The following VPS13B variants were observed in gnomAD, a reference collection of about 807,000 sequenced individuals.
The protein encoded by VPS13B is vacuolar protein sorting 13 homolog B, also known as intermembrane lipid transfer protein VPS13B.
In VPS13B, 285 loss-of-function variants were observed where a neutral mutation model predicts 426.4. That is an observed-to-expected ratio of 0.67 (90% CI 0.61 to 0.74). The LOEUF is 0.74. Among genes scored for constraint, VPS13B ranks in the 30% least tolerant of loss-of-function variants. VPS13B has a pLI of 0.00. For synonymous variants in VPS13B, 1,676 were observed against 1,676.4 expected (o/e 1.00, Z 0.01); for missense variants, 4,537 against 4,782.6 (o/e 0.95, Z 1.51).
chr8:99,408,629 G>A lies in VPS13B; in HGVS notation c.3082+16925G>A, dbSNP rs537967615. ...CTATCCAAATGGAGATGTTCAGTAC[G>A]CAGTTGGATAAATAGTCTGGAGCTT... is the stretch of plus-strand genomic sequence containing the variant. On this transcript the variant is annotated intron_variant, in intron 21 of 61. Coordinates refer to ENST00000357162, the MANE Select transcript of VPS13B (RefSeq NM_152564.5). Among the ~76,000 whole-genome samples, 22 of 152,244 alleles carry A rather than the reference G, an allele frequency of 1.4e-4. 1 individual carries two copies. Among genetic ancestry groups the A allele is most frequent in the Admixed American group, 9.2e-4 (14 of 15,268 alleles).
intron 24 of VPS13B, among the ~76,000 whole-genome samples, chr8:99,467,842 G>A (rs1819193811): frequency 6.8e-6 from 1 of 146,304 alleles, no homozygotes; most frequent in South Asian, 2.1e-4. Context: ...AATGGTGGCA[G>A]TACAAATGTA....
chr8:99,451,859 A>G (rs1818212057), intron 23 of VPS13B, among the ~76,000 whole-genome samples: 1 of 152,238 alleles, frequency 6.6e-6, no homozygotes, highest in African/African-American at 2.4e-5. Context: ...ACCCTGTATC[A>G]AACGGTGTTT....
At chr8:99,038,285 G>T in intron 2 of VPS13B, 138 bp from the exon 3 acceptor site, 2 of 606,906 alleles carry the variant, frequency 3.3e-6, no homozygotes, top group East Asian at 6.7e-5. Flanking sequence ...ATATTAGAAT[G>T]AAAAATATTA....
intron 30 of VPS13B, among the ~76,000 whole-genome samples, chr8:99,523,500 C>T (rs955363362): frequency 4.6e-5 from 7 of 152,214 alleles, no homozygotes; most frequent in African/African-American, 1.7e-4. Context: ...CACACCCACA[C>T]CCCTTCCACA....
chr8:99,454,012 C>T (rs1473263120), intron 23 of VPS13B, among the ~76,000 whole-genome samples: 2 of 152,044 alleles, frequency 1.3e-5, no homozygotes, highest in Non-Finnish European at 2.9e-5. Flanking sequence ...ACCTTCTGTG[C>T]TCAACATACT....
intron 35 of VPS13B, chr8:99,697,123 A>G: frequency 3.8e-6 from 2 of 528,332 alleles, no homozygotes; most frequent in South Asian, 3.9e-5. Flanking sequence ...CCAGCTGACC[A>G]GCTCAAGTCC....
chr8:99,772,095 A>C (rs2130646021), intron 40 of VPS13B, among the ~76,000 whole-genome samples: 1 of 152,308 alleles, frequency 6.6e-6, no homozygotes. Context: ...TTGCATACAC[A>C]GTCCCTGAAG....
intron 19 of VPS13B, among the ~76,000 whole-genome samples, chr8:99,306,018 T>G (rs7828262): frequency 0.73 from 110,268 of 151,994 alleles, 40,648 homozygotes; most frequent in Middle Eastern, 0.83. Context: ...TGCTGTTTAT[T>G]TTTATCAGAT....
At chr8:99,188,069 T>C (rs1387518096) in intron 16 of VPS13B, among the ~76,000 whole-genome samples, 3 of 150,652 alleles carry the variant, frequency 2.0e-5, no homozygotes, top group Admixed American at 6.6e-5. Flanking sequence ...TTTTTTTTTT[T>C]TTTTGTGAGG....
chr8:99,863,070 A>C (rs1816914375), intron 58 of VPS13B, among the ~76,000 whole-genome samples: 1 of 152,160 alleles, frequency 6.6e-6, no homozygotes, highest in Non-Finnish European at 1.5e-5. Context: ...TAGGGTGTTC[A>C]AGTCCTTTCT....
intron 33 of VPS13B, among the ~76,000 whole-genome samples, chr8:99,613,530 G>C (rs1317274405): frequency 6.6e-6 from 1 of 152,114 alleles, no homozygotes; most frequent in African/African-American, 2.4e-5. Flanking sequence ...TAGATAGCAC[G>C]ATTTCTTTTA....
intron 21 of VPS13B, among the ~76,000 whole-genome samples, chr8:99,404,521 G>C (rs1815226004): frequency 6.6e-6 from 1 of 152,140 alleles, no homozygotes; most frequent in Admixed American, 6.5e-5. Flanking sequence ...TTAAATGCAG[G>C]TTTATTTTGA....
intron 35 of VPS13B, among the ~76,000 whole-genome samples, chr8:99,683,992 C>A (rs1345854981): frequency 6.6e-6 from 1 of 152,186 alleles, no homozygotes; most frequent in Non-Finnish European, 1.5e-5. Context: ...TAGCCTTCAT[C>A]AGGTTAAGTT....
chr8:99,770,858 CAG>C (rs1425001520), intron 40 of VPS13B, among the ~76,000 whole-genome samples: 1 of 152,206 alleles, frequency 6.6e-6, no homozygotes, highest in East Asian at 1.9e-4. Flanking sequence ...AGAGAGCAAA[CAG>C]AAGACATCCA....
At chr8:99,501,900 C>G in intron 26 of VPS13B, 42 bp downstream of exon 26, 14 of 918,412 alleles carry the variant, frequency 1.5e-5, no homozygotes, top group Non-Finnish European at 2.1e-5. Context: ...CCCTCTGTCC[C>G]TCCCTCCCTC....
intron 15 of VPS13B, among the ~76,000 whole-genome samples, chr8:99,168,277 T>A (rs1184136914): frequency 6.6e-6 from 1 of 152,012 alleles, no homozygotes; most frequent in East Asian, 1.9e-4. Flanking sequence ...AATGACAGAA[T>A]AGTATGTAGT....
intron 31 of VPS13B, among the ~76,000 whole-genome samples, chr8:99,558,207 G>A (rs74959072): frequency 0.059 from 9,048 of 152,154 alleles, 361 homozygotes; most frequent in African/African-American, 0.11. Flanking sequence ...GGTAATAACT[G>A]TTATTTTCCC....
chr8:99,270,098 A>C (rs990089759), intron 17 of VPS13B, among the ~76,000 whole-genome samples: 3 of 142,626 alleles, frequency 2.1e-5, no homozygotes, highest in Non-Finnish European at 3.0e-5. Flanking sequence ...TCTAAATCAA[A>C]GTGCTTTATA....
chr8:99,136,635 T>G, intron 11 of VPS13B, 30 bp from the exon 12 acceptor site: 1 of 1,611,278 alleles, frequency 6.2e-7, no homozygotes, highest in Non-Finnish European at 8.5e-7. Flanking sequence ...TTATACAATG[T>G]TTATTCTGTT....
Sources: allele counts gnomAD v4.1 joint callset (sites outside exome capture counted in the v4.1 genomes callset), GRCh38; gene constraint gnomAD v4.1.1; transcripts MANE v1.5; gene names NCBI Gene and HGNC (gene_info 2026-07-23, HGNC 2026-07-21).